SLC7A11: variants seen among roughly 807,000 people sequenced by gnomAD.
SLC7A11 encodes the protein cystine/glutamate transporter.
Under a neutral mutation model 54.5 loss-of-function variants are expected in SLC7A11, and 35 were observed. The ratio of observed to expected loss-of-function variants is 0.64; its 90% CI spans 0.49 to 0.85. The LOEUF (loss-of-function observed/expected upper bound fraction) is 0.85, where lower values mean the gene tolerates loss of function less well. SLC7A11 is among the 40% of genes least tolerant of loss of function. The probability of loss-of-function intolerance (pLI) is 0.00; values close to 1 mark genes in which losing one functional copy is unlikely to be tolerated. For missense variants in SLC7A11, 583 were observed against 618.1 expected (o/e 0.94, Z 0.60); for synonymous variants, 230 against 225.2 (o/e 1.02, Z -0.19).
intron 2 of SLC7A11, among the ~76,000 whole-genome samples, chr4:138,233,650 C>T (rs1738136565): frequency 6.6e-6 from 1 of 152,130 alleles, no homozygotes; most frequent in South Asian, 2.1e-4. Flanking sequence ...TTTTCATTTT[C>T]TTCTTTTCCT....
At chr4:138,206,019 A>G (rs1737396465) in intron 6 of SLC7A11, among the ~76,000 whole-genome samples, 1 of 152,030 alleles carries the variant, frequency 6.6e-6, no homozygotes, top group Admixed American at 6.6e-5. Flanking sequence ...CAGCATAAGG[A>G]AGTAAAAAAG....
Position 138,219,406 on chromosome 4 carries a change from T to C in SLC7A11, c.647-41A>G, listed in dbSNP as rs541407009. The C allele has an allele frequency of 5.5e-5, 65 of 1,190,712 alleles. No homozygotes were observed. In the African/African-American group the frequency reaches 8.0e-4, roughly 15 times the overall value. The allele number at this position is 1,190,712 out of a possible 1,614,324, so 73.8% of individuals were successfully genotyped here. On this transcript the variant is annotated intron_variant, in intron 4 of 11. Coordinates refer to ENST00000280612, the MANE Select transcript of SLC7A11 (RefSeq NM_014331.4). ...ACTGATTTTAGGATTTTTCAAAGAA[T>C]TGGTTCTTATTCACTCTTAACCAGA... is the stretch of plus-strand genomic sequence containing the variant.
intron 6 of SLC7A11, among the ~76,000 whole-genome samples, chr4:138,200,616 A>C (rs1171314881): frequency 6.6e-6 from 1 of 152,134 alleles, no homozygotes; most frequent in Non-Finnish European, 1.5e-5. Context: ...TGGAAAGAGT[A>C]CTAGAAAAGG....
intron 2 of SLC7A11, among the ~76,000 whole-genome samples, chr4:138,233,632 C>A (rs780559993): frequency 2.6e-5 from 4 of 152,176 alleles, no homozygotes; most frequent in Non-Finnish European, 4.4e-5. Flanking sequence ...TGGAGAGCGG[C>A]ATAAGGTTTT....
intron 3 of SLC7A11, among the ~76,000 whole-genome samples, chr4:138,229,978 C>T (rs1044000338): frequency 2.6e-5 from 4 of 151,988 alleles, no homozygotes; most frequent in African/African-American, 9.7e-5. Context: ...ATTCAAGGGA[C>T]AAGAAAATGG....
At chr4:138,241,316 T>TA (rs1265362563) in intron 1 of SLC7A11, among the ~76,000 whole-genome samples, 1 of 152,182 alleles carries the variant, frequency 6.6e-6, no homozygotes, top group African/African-American at 2.4e-5. Flanking sequence ...AATATTTTTA[T>TA]AAAGACTGCC....
intron 6 of SLC7A11, among the ~76,000 whole-genome samples, chr4:138,209,296 G>A (rs193073903): frequency 4.6e-5 from 7 of 151,920 alleles, no homozygotes; most frequent in East Asian, 1.9e-4. Context: ...GCATGTTGCC[G>A]CACACCTGGA....
At chr4:138,218,504 G>A (rs1737730825) in intron 5 of SLC7A11, among the ~76,000 whole-genome samples, 1 of 152,108 alleles carries the variant, frequency 6.6e-6, no homozygotes, top group Admixed American at 6.6e-5. Flanking sequence ...TGAAGAGAAA[G>A]TCCCACTCTT....
Position 138,225,831 on chromosome 4 carries a change from A to G in SLC7A11, c.521-2507T>C, listed in dbSNP as rs1737935497. Among the ~76,000 whole-genome samples the G allele has an allele frequency of 2.0e-5, 3 of 152,196 alleles. No homozygotes were observed. In the East Asian group the frequency reaches 5.8e-4, roughly 29 times the overall value. ...TTTATGAAAGTTCTTTCCACAGTAG[A>G]AAAGAACTGTTATATAGAGAGAAAG... On this transcript the variant is annotated intron_variant, in intron 3 of 11. Transcript: ENST00000280612.
At chr4:138,197,287 T>G (rs1737161376) in intron 6 of SLC7A11, among the ~76,000 whole-genome samples, 1 of 152,144 alleles carries the variant, frequency 6.6e-6, no homozygotes, top group African/African-American at 2.4e-5. Flanking sequence ...TCATTAATAC[T>G]TCCATTAACA....
intron 1 of SLC7A11, among the ~76,000 whole-genome samples, chr4:138,238,772 T>C (rs1242852345): frequency 3.3e-5 from 5 of 151,918 alleles, no homozygotes; most frequent in African/African-American, 9.7e-5. Flanking sequence ...GCTAAATTTT[T>C]GTGTATTTTT....
intron 3 of SLC7A11, among the ~76,000 whole-genome samples, chr4:138,228,717 C>A (rs1463445617): frequency 3.1e-5 from 4 of 131,020 alleles, no homozygotes; most frequent in African/African-American, 1.2e-4. Flanking sequence ...CAAGATCATG[C>A]CACTGCACTC....
intron 4 of SLC7A11, among the ~76,000 whole-genome samples, chr4:138,220,379 A>G (rs1444657252): frequency 6.6e-6 from 1 of 152,172 alleles, no homozygotes; most frequent in Non-Finnish European, 1.5e-5. Flanking sequence ...CTAGCTTGAA[A>G]AATTGAAAAT....
At chr4:138,217,939 T>C (rs967696548) in intron 5 of SLC7A11, among the ~76,000 whole-genome samples, 3 of 152,202 alleles carry the variant, frequency 2.0e-5, no homozygotes, top group African/African-American at 7.2e-5. Flanking sequence ...AAATACTGAG[T>C]GATTCAAAAC....
chr4:138,200,217 C>G (rs1050792625), intron 6 of SLC7A11, among the ~76,000 whole-genome samples: 2 of 152,032 alleles, frequency 1.3e-5, no homozygotes, highest in Non-Finnish European at 2.9e-5. Context: ...TGATATTTAA[C>G]CTATTTTAAG....
chr4:138,237,731 ATATATATTTTTTTTTTTTTTTTTTTT>A (rs1379348265), intron 1 of SLC7A11, among the ~76,000 whole-genome samples: 6 of 10,652 alleles, frequency 5.6e-4, no homozygotes, highest in South Asian at 4.9e-3. Context: ...ATATATATAT[ATATATATTTTTTTTTTTTTTTTTTTT>A]TTTTTTTTTT....
At position 138,240,992 on chromosome 4, in the gene SLC7A11, A is replaced by C. The variant is rs145120142; in HGVS notation, c.277+801T>G. 4.1e-3 allele frequency among the ~76,000 whole-genome samples: 625 copies of C among 152,336 alleles called. 4 individuals carry two copies. Among genetic ancestry groups the C allele is most frequent in the African/African-American group, 0.014 (594 of 41,572 alleles). ...AAAAATTCATAATTATACTTCTGCC[A>C]GTTCCCTTCAGATTAATTTAGTGAA... On this transcript the variant is annotated intron_variant, in intron 1 of 11. Coordinates refer to ENST00000280612, the MANE Select transcript of SLC7A11 (RefSeq NM_014331.4).
At chr4:138,178,793 T>C (rs961800167) in intron 11 of SLC7A11, among the ~76,000 whole-genome samples, 3 of 152,190 alleles carry the variant, frequency 2.0e-5, no homozygotes, top group African/African-American at 7.2e-5. Context: ...CGTACAGTCA[T>C]AATGTTTAAG....
At chr4:138,233,126 G>A (rs1223943999) in intron 2 of SLC7A11, among the ~76,000 whole-genome samples, 1 of 151,098 alleles carries the variant, frequency 6.6e-6, no homozygotes, top group African/African-American at 2.4e-5. Flanking sequence ...CATTTTAGAT[G>A]TATGTATATA....
Sources: gnomAD v4.1 joint callset for allele counts (sites outside exome capture counted in the v4.1 genomes callset) on GRCh38, gnomAD v4.1.1 for gene constraint, MANE v1.5 for transcripts, NCBI Gene and HGNC (gene_info 2026-07-23, HGNC 2026-07-21) for gene names.